The following WDPCP variants were observed in gnomAD, a reference collection of about 807,000 sequenced individuals.
WDPCP encodes WD repeat-containing and planar cell polarity effector protein fritz homolog.
Under a neutral mutation model 93.1 loss-of-function variants are expected in WDPCP, and 71 were observed. The ratio of observed to expected loss-of-function variants is 0.76; its 90% confidence interval spans 0.63 to 0.93. The LOEUF (loss-of-function observed/expected upper bound fraction) is 0.93, where lower values mean the gene tolerates loss of function less well. WDPCP is among the 40% of genes least tolerant of loss of function. WDPCP has a pLI of 0.00. For missense variants in WDPCP, 844 were observed against 887.4 expected, an observed-to-expected ratio of 0.95 and a Z score of 0.62; for synonymous variants, 315 against 315.0, an observed-to-expected ratio of 1.00 and a Z score of 0.00.
intron 10 of WDPCP, among the ~76,000 whole-genome samples, chr2:63,393,240 A>G (rs1217178411): frequency 1.3e-5 from 2 of 152,198 alleles, no homozygotes; most frequent in African/African-American, 2.4e-5. Flanking sequence ...TTGCCAGGAC[A>G]TGGATGAAGC....
chr2:63,585,007 T>A (rs1708741534), intron 1 of WDPCP, among the ~76,000 whole-genome samples: 1 of 152,172 alleles, frequency 6.6e-6, no homozygotes, highest in African/African-American at 2.4e-5. Context: ...CAAAGCAACT[T>A]GACTACGTAA....
chr2:63,650,460 A>G (rs1710096759), intron 3 of WDPCP, among the ~76,000 whole-genome samples: 1 of 152,196 alleles, frequency 6.6e-6, no homozygotes, highest in Non-Finnish European at 1.5e-5. Context: ...TGCCCCGCCC[A>G]GTGACTTTAG....
chr2:63,295,150 GA>G (rs1444055774), intron 13 of WDPCP, among the ~76,000 whole-genome samples: 1 of 151,560 alleles, frequency 6.6e-6, no homozygotes, highest in East Asian at 1.9e-4. Flanking sequence ...AATAGCTATA[GA>G]ATATACACAA....
chr2:63,450,240 G>A (rs907969021), intron 6 of WDPCP, among the ~76,000 whole-genome samples: 9 of 152,168 alleles, frequency 5.9e-5, no homozygotes, highest in Non-Finnish European at 1.0e-4. Flanking sequence ...TGGTGACTGA[G>A]TCCCCAACAG....
intron 17 of WDPCP, among the ~76,000 whole-genome samples, chr2:63,137,066 G>A (rs1322417209): frequency 3.3e-5 from 5 of 152,158 alleles, no homozygotes; most frequent in African/African-American, 4.8e-5. Flanking sequence ...TTCTTTGAGT[G>A]TATACTCAGT....
chr2:63,789,755 T>G (rs1670519584), intron 2 of WDPCP, among the ~76,000 whole-genome samples: 1 of 152,210 alleles, frequency 6.6e-6, no homozygotes, highest in Admixed American at 6.5e-5. Flanking sequence ...TTAGTTTTCA[T>G]GTGCTTGGAA....
intron 13 of WDPCP, among the ~76,000 whole-genome samples, chr2:63,275,113 T>C (rs917739510): frequency 1.3e-5 from 2 of 152,176 alleles, no homozygotes; most frequent in African/African-American, 2.4e-5. Flanking sequence ...CAATACACCA[T>C]GATCAAGTGG....
intron 2 of WDPCP, among the ~76,000 whole-genome samples, chr2:63,743,449 T>C (rs1669753624): frequency 6.6e-6 from 1 of 152,158 alleles, no homozygotes; most frequent in South Asian, 2.1e-4. Context: ...TGACATTATC[T>C]AAACTTTAGA....
chr2:63,723,210 G>A (rs1669451937), intron 2 of WDPCP, among the ~76,000 whole-genome samples: 1 of 149,286 alleles, frequency 6.7e-6, no homozygotes, highest in African/African-American at 2.5e-5. Flanking sequence ...TTTATCTGCT[G>A]ACCTTCCCTC....
chr2:63,184,253 C>T (rs1322849470), intron 14 of WDPCP, among the ~76,000 whole-genome samples: 1 of 151,506 alleles, frequency 6.6e-6, no homozygotes, highest in Non-Finnish European at 1.5e-5. Context: ...GAGTTCTGTC[C>T]TGTTGTAATT....
At chr2:63,727,240 G>A (rs1669506868) in intron 2 of WDPCP, among the ~76,000 whole-genome samples, 1 of 152,100 alleles carries the variant, frequency 6.6e-6, no homozygotes, top group Non-Finnish European at 1.5e-5. Flanking sequence ...AGTTTGTTGA[G>A]GGTTTTTAAC....
At chr2:63,575,498 A>AGCGTATGCACT (rs1708014419) in intron 1 of WDPCP, among the ~76,000 whole-genome samples, 1 of 88,404 alleles carries the variant, frequency 1.1e-5, no homozygotes, top group Non-Finnish European at 2.6e-5. Flanking sequence ...TAGTATATAC[A>AGCGTATGCACT]GTATATACAC....
At chr2:63,597,008 GGT>G (rs1465216009) in intron 3 of WDPCP, among the ~76,000 whole-genome samples, 1 of 152,106 alleles carries the variant, frequency 6.6e-6, no homozygotes. Context: ...ATTTGTGATT[GGT>G]GTCTTAGACC....
chr2:63,589,071 CCCA>C (rs770689202), upstream of WDPCP: 15 of 1,614,012 alleles, frequency 9.3e-6, no homozygotes, highest in Non-Finnish European at 8.5e-7. Flanking sequence ...CGGGTTCCTG[CCCA>C]CCTCTGGCCC....
intron 10 of WDPCP, among the ~76,000 whole-genome samples, chr2:63,396,187 T>C (rs1693710637): frequency 6.6e-6 from 1 of 152,170 alleles, no homozygotes; most frequent in Non-Finnish European, 1.5e-5. Context: ...TTAAGATGAG[T>C]AGGCATCTAA....
At chr2:63,224,004 A>T (rs1678064671) in intron 14 of WDPCP, among the ~76,000 whole-genome samples, 1 of 152,026 alleles carries the variant, frequency 6.6e-6, no homozygotes, top group Admixed American at 6.6e-5. Flanking sequence ...GAATTGCCTT[A>T]ACTATTCTTG....
intron 6 of WDPCP, among the ~76,000 whole-genome samples, chr2:63,462,375 G>A (rs1209141153): frequency 6.6e-6 from 1 of 152,154 alleles, no homozygotes; most frequent in African/African-American, 2.4e-5. Context: ...GGGAGGGATA[G>A]CATTAGGAGA....
At chr2:63,417,966 C>T (rs192162924) in intron 9 of WDPCP, among the ~76,000 whole-genome samples, 66 of 151,560 alleles carry the variant, frequency 4.4e-4, no homozygotes, top group Non-Finnish European at 8.0e-4. Flanking sequence ...TGTGATAGAC[C>T]AAGATGATAA....
intron 2 of WDPCP, among the ~76,000 whole-genome samples, chr2:63,715,035 T>G (rs1435202817): frequency 6.6e-6 from 1 of 152,154 alleles, no homozygotes; most frequent in Non-Finnish European, 1.5e-5. Context: ...TTAGGCTAAG[T>G]GGAAAGAGGC....
Sources: allele counts gnomAD v4.1 joint callset (sites outside exome capture counted in the v4.1 genomes callset), GRCh38; gene constraint gnomAD v4.1.1; transcripts MANE v1.5; gene names NCBI Gene and HGNC (gene_info 2026-07-23, HGNC 2026-07-21).